MOXD1: variants seen among roughly 807,000 people sequenced by gnomAD.
MOXD1 encodes DBH-like monooxygenase protein 1.
In MOXD1, 62 loss-of-function variants were observed where a neutral mutation model predicts 66.6. The observed-to-expected ratio is 0.93, with a 90% CI of 0.76 to 1.15. The LOEUF is 1.15. Ranked by LOEUF, MOXD1 falls within the 50% of genes most tolerant of loss-of-function variation. The probability of loss-of-function intolerance (pLI) is 0.00; values close to 1 mark genes in which losing one functional copy is unlikely to be tolerated. For synonymous variants in MOXD1, 303 were observed against 281.9 expected (o/e 1.07, Z -0.75); for missense variants, 847 against 754.6 (o/e 1.12, Z -1.44).
At chr6:132,313,797 C>T (rs538181121) in intron 10 of MOXD1, among the ~76,000 whole-genome samples, 1 of 152,250 alleles carries the variant, frequency 6.6e-6, no homozygotes, top group East Asian at 1.9e-4. Context: ...CGCCTGTAAT[C>T]CCAGCTACTT....
intron 1 of MOXD1, among the ~76,000 whole-genome samples, chr6:132,400,345 G>A (rs975787128): frequency 6.6e-6 from 1 of 151,992 alleles, no homozygotes; most frequent in Non-Finnish European, 1.5e-5. Flanking sequence ...CGTTGGTCAC[G>A]ATCAAGCAAG....
intron 4 of MOXD1, among the ~76,000 whole-genome samples, chr6:132,342,033 C>T (rs1272381527): frequency 1.3e-5 from 2 of 152,012 alleles, no homozygotes; most frequent in Admixed American, 6.6e-5. Context: ...GATGGAGTCT[C>T]GCTCTGTTGC....
In MOXD1 at chr6:132,298,253, G is replaced by A. The variant is rs28548283; in HGVS notation, c.1509-298C>T. 2.8e-3 allele frequency among the ~76,000 whole-genome samples: 428 copies of A among 152,142 alleles called. 3 individuals are homozygous for A. Among genetic ancestry groups the A allele is most frequent in the African/African-American group, 9.9e-3 (410 of 41,498 alleles). ...CCAGGTTGGTCTGGAACTCCCAGGCGCAAGCAACCCTCCCACCTCCACCAC... is the reference window on the plus strand; with the variant it reads ...CCAGGTTGGTCTGGAACTCCCAGGCACAAGCAACCCTCCCACCTCCACCAC... On this transcript the variant is annotated intron_variant, in intron 10 of 11. Coordinates refer to ENST00000367963, the MANE Select transcript of MOXD1 (RefSeq NM_015529.4).
intron 4 of MOXD1, among the ~76,000 whole-genome samples, chr6:132,366,431 A>G (rs1253899689): frequency 6.6e-6 from 1 of 152,138 alleles, no homozygotes; most frequent in Non-Finnish European, 1.5e-5. Flanking sequence ...TAAAAAAACA[A>G]TGAGAACTAG....
chr6:132,401,439 C>A lies in MOXD1; in HGVS notation c.-13G>T. ...GCCAGCAGCACATCCTCGGGCGCCT[C>A]CTGCCCGCCGGTACCGGCCTCCAGC... On this transcript the variant is annotated 5_prime_UTR_variant, in exon 1 of 12. Coordinates refer to ENST00000367963, the MANE Select transcript of MOXD1 (RefSeq NM_015529.4). 6.8e-7 allele frequency: 1 copy of A among 1,460,436 alleles called. No homozygotes were observed. The highest frequency in any genetic ancestry group is 9.0e-7 in the Non-Finnish European group (1 of 1,111,472). 90.5% of individuals were successfully genotyped at this position (1,460,436 alleles called of 1,614,324 possible).
chr6:132,327,665 T>G (rs1330532880), intron 6 of MOXD1, among the ~76,000 whole-genome samples: 1 of 152,154 alleles, frequency 6.6e-6, no homozygotes, highest in Non-Finnish European at 1.5e-5. Flanking sequence ...TTACGTGCAG[T>G]TAGAAAGAAA....
intron 8 of MOXD1, among the ~76,000 whole-genome samples, chr6:132,321,027 G>A (rs1775067298): frequency 6.6e-6 from 1 of 152,302 alleles, no homozygotes; most frequent in Admixed American, 6.5e-5. Context: ...AGCACTTTGG[G>A]AGGGCAAGGC....
At chr6:132,345,557 A>G (rs1176880534) in intron 4 of MOXD1, among the ~76,000 whole-genome samples, 1 of 152,174 alleles carries the variant, frequency 6.6e-6, no homozygotes, top group South Asian at 2.1e-4. Context: ...TGAAAACTAC[A>G]TTCATTTTAT....
intron 4 of MOXD1, among the ~76,000 whole-genome samples, chr6:132,330,344 C>A (rs185912327): frequency 3.9e-5 from 6 of 152,250 alleles, no homozygotes; most frequent in East Asian, 3.9e-4. Context: ...CATAGGAGTG[C>A]GAATCTTATT....
At chr6:132,308,086 T>A (rs143633607) in intron 10 of MOXD1, among the ~76,000 whole-genome samples, 5 of 131,122 alleles carry the variant, frequency 3.8e-5, no homozygotes, top group East Asian at 4.4e-4. Context: ...GGAAGTGGTT[T>A]TTTGAAAAAA....
chr6:132,369,728 G>A (rs1488198754), intron 4 of MOXD1, among the ~76,000 whole-genome samples: 1 of 152,076 alleles, frequency 6.6e-6, no homozygotes, highest in African/African-American at 2.4e-5. Context: ...GTGTGAATAT[G>A]CTGGACAAAG....
intron 4 of MOXD1, among the ~76,000 whole-genome samples, chr6:132,357,240 A>T (rs1174423423): frequency 1.3e-5 from 2 of 152,104 alleles, no homozygotes; most frequent in African/African-American, 4.8e-5. Flanking sequence ...GAGTAAATAT[A>T]GTTTGAAAAA....
At chr6:132,384,218 CCTCCTTCCTTCCTCCCTCCCTCT>C (rs1776568914) in intron 1 of MOXD1, among the ~76,000 whole-genome samples, 1 of 148,042 alleles carries the variant, frequency 6.8e-6, no homozygotes, top group Non-Finnish European at 1.5e-5. Context: ...TTCCTTCCTT[CCTCCTTCCTTCCTCCCTCCCTCT>C]CTTCCTTCCT....
intron 1 of MOXD1, among the ~76,000 whole-genome samples, chr6:132,397,660 A>C (rs898544325): frequency 1.2e-4 from 17 of 138,176 alleles, no homozygotes; most frequent in Non-Finnish European, 1.9e-4. Flanking sequence ...GAAAGAAAGA[A>C]AGAAAGAAAG....
chr6:132,312,774 G>A (rs75655782), intron 10 of MOXD1, among the ~76,000 whole-genome samples: 9,027 of 150,058 alleles, frequency 0.06, 318 homozygotes, highest in African/African-American at 0.078. Flanking sequence ...CAGGAGAGCC[G>A]AACATTTTTA....
chr6:132,394,612 T>A (rs1274124270), intron 1 of MOXD1, among the ~76,000 whole-genome samples: 3 of 121,112 alleles, frequency 2.5e-5, no homozygotes, highest in Non-Finnish European at 4.8e-5. Flanking sequence ...ACCAAAGAGA[T>A]AGATGTCATA....
In MOXD1 at chr6:132,366,179, G is replaced by A. The variant is rs547258775; in HGVS notation, c.663+6429C>T. ...TAAGAGAAATGGAAAGTATTTTCAC[G>A]TAAGATAGATTATGAAAGTTAATTT... On this transcript the variant is annotated intron_variant, in intron 4 of 11. Transcript: ENST00000367963. Among the ~76,000 whole-genome samples the A allele has an allele frequency of 2.8e-4, 43 of 152,130 alleles. 1 individual carries two copies. The highest frequency in any genetic ancestry group is 9.2e-4 in the African/African-American group (38 of 41,506).
intron 4 of MOXD1, among the ~76,000 whole-genome samples, chr6:132,337,228 T>G (rs1351977472): frequency 6.6e-6 from 1 of 152,234 alleles, no homozygotes; most frequent in Non-Finnish European, 1.5e-5. Context: ...GGGTTTCTAT[T>G]ACTTGCAAAT....
At chr6:132,310,924 T>C (rs1391030566) in intron 10 of MOXD1, among the ~76,000 whole-genome samples, 1 of 152,208 alleles carries the variant, frequency 6.6e-6, no homozygotes, top group Admixed American at 6.5e-5. Flanking sequence ...CGTATACCTA[T>C]GTAACAAAGC....
Sources: allele counts gnomAD v4.1 joint callset (sites outside exome capture counted in the v4.1 genomes callset), GRCh38; gene constraint gnomAD v4.1.1; transcripts MANE v1.5; gene names NCBI Gene and HGNC (gene_info 2026-07-23, HGNC 2026-07-21).